The following TDRD12 variants were observed in gnomAD, a reference collection of about 807,000 sequenced individuals.
TDRD12 encodes the protein tudor domain containing 12.
In TDRD12, 158 loss-of-function variants were observed where a neutral mutation model predicts 133.5. The observed-to-expected ratio is 1.18, with a 90% CI of 1.04 to 1.35. The LOEUF (loss-of-function observed/expected upper bound fraction) is 1.35, where lower values mean the gene tolerates loss of function less well. Among genes scored for constraint, TDRD12 ranks in the 40% most tolerant of loss-of-function variants. The pLI, the probability that TDRD12 is intolerant of heterozygous loss-of-function variation, is 0.00. For synonymous variants in TDRD12, 460 were observed against 477.9 expected (o/e 0.96, Z 0.49); for missense variants, 1,443 against 1,321.3 (o/e 1.09, Z -1.43).
chr19:32,796,539 C>G (rs908916487), intron 14 of TDRD12, among the ~76,000 whole-genome samples: 2 of 151,154 alleles, frequency 1.3e-5, no homozygotes, highest in Non-Finnish European at 2.9e-5. Context: ...GAGGCAAGAT[C>G]GCACCATTGC....
intron 8 of TDRD12, among the ~76,000 whole-genome samples, chr19:32,758,880 GCCAAGATTATGTCATTGCACT>G (rs1254144699): frequency 1.3e-5 from 2 of 151,904 alleles, no homozygotes; most frequent in African/African-American, 4.8e-5. Flanking sequence ...GTTGCAGTGA[GCCAAGATTATGTCATTGCACT>G]CCAGCCTGGA....
At chr19:32,811,325 C>T (rs1233294685) in exon 24 of TDRD12, 16 of 1,536,000 alleles carry the variant, frequency 1.0e-5, no homozygotes, top group Admixed American at 5.9e-5. Context: ...GCTGCTGCAT[C>T]TCCCAGAACA....
chr19:32,744,512 A>AC (rs1599847458), intron 4 of TDRD12, among the ~76,000 whole-genome samples: 1 of 150,280 alleles, frequency 6.7e-6, no homozygotes, highest in Non-Finnish European at 1.5e-5. Context: ...AAAAAAAAAA[A>AC]AAAAAAAAAA....
intron 13 of TDRD12, among the ~76,000 whole-genome samples, chr19:32,792,728 A>C (rs1272610094): frequency 6.6e-6 from 1 of 152,226 alleles, no homozygotes; most frequent in Non-Finnish European, 1.5e-5. Flanking sequence ...CCTACCCATC[A>C]CAGGCCCAGC....
intron 27 of TDRD12, among the ~76,000 whole-genome samples, chr19:32,820,705 G>A (rs774618122): frequency 3.3e-5 from 5 of 152,206 alleles, no homozygotes; most frequent in Non-Finnish European, 7.3e-5. Flanking sequence ...CAGAGACTGG[G>A]TCAGGGGAAG....
At chr19:32,777,024 G>A (rs1187691649) in intron 10 of TDRD12, 125 bp from the exon 11 acceptor site, 2 of 633,788 alleles carry the variant, frequency 3.2e-6, no homozygotes, top group East Asian at 3.0e-5. Context: ...GAGTTGCTGG[G>A]ACTATAGGTG....
At chr19:32,725,060 GT>G (rs1250456738) in intron 1 of TDRD12, among the ~76,000 whole-genome samples, 1 of 151,936 alleles carries the variant, frequency 6.6e-6, no homozygotes, top group African/African-American at 2.4e-5. Context: ...TTTTGATGGG[GT>G]TTTTTTCTTG....
At chr19:32,827,221 G>A in exon 10 of TDRD12, 1 of 1,232,048 alleles carries the variant, frequency 8.1e-7, no homozygotes, top group Non-Finnish European at 1.0e-6. Flanking sequence ...GACAGTAGCA[G>A]CACTTCAGAG....
chr19:32,790,584 T>A, exon 12 of TDRD12: 1 of 1,551,954 alleles, frequency 6.4e-7, no homozygotes, highest in Non-Finnish European at 8.7e-7. Context: ...ATCTCTGATC[T>A]CCAGCAGGTA....
intron 10 of TDRD12, 98 bp downstream of exon 10, chr19:32,773,630 C>G (rs955735375): frequency 3.9e-6 from 4 of 1,037,452 alleles, no homozygotes; most frequent in Admixed American, 2.0e-5. Context: ...CCCAGGAGGT[C>G]GAGGCTTCAG....
At chr19:32,742,159 CTT>C (rs10692209) in intron 3 of TDRD12, among the ~76,000 whole-genome samples, 5 of 144,262 alleles carry the variant, frequency 3.5e-5, no homozygotes, top group Admixed American at 6.9e-5. Flanking sequence ...CCTTATTAGA[CTT>C]TTTTTTTTTT....
At chr19:32,813,553 C>A in intron 24 of TDRD12, 131 bp from the exon 25 acceptor site, 1 of 592,452 alleles carries the variant, frequency 1.7e-6, no homozygotes, top group Non-Finnish European at 3.0e-6. Context: ...GGGTGATGAC[C>A]TCTGTGATCT....
At chr19:32,766,318 C>G (rs1301289151) in intron 8 of TDRD12, among the ~76,000 whole-genome samples, 1 of 152,068 alleles carries the variant, frequency 6.6e-6, no homozygotes, top group Non-Finnish European at 1.5e-5. Context: ...GTGAAATAAG[C>G]ACATCATGGA....
downstream of TDRD12, among the ~76,000 whole-genome samples, chr19:32,822,669 C>A (rs1967441847): frequency 6.6e-6 from 1 of 151,066 alleles, no homozygotes; most frequent in African/African-American, 2.4e-5. Context: ...AGGGTGTGAA[C>A]CCTGGAGGCA....
intron 16 of TDRD12, among the ~76,000 whole-genome samples, chr19:32,799,110 C>T (rs960769091): frequency 3.9e-5 from 6 of 152,304 alleles, no homozygotes; most frequent in Middle Eastern, 3.4e-3. Context: ...ATTCATGGGT[C>T]AGAGGCTTTG....
At chr19:32,786,197 T>G (rs1164316709) in intron 11 of TDRD12, among the ~76,000 whole-genome samples, 1 of 152,156 alleles carries the variant, frequency 6.6e-6, no homozygotes, top group Non-Finnish European at 1.5e-5. Flanking sequence ...GAAGCTTAAT[T>G]TGGCTGGATA....
rs1336742352 is a variant in TDRD12, at chr19:32,783,441, A to G, written c.1121+6212A>G. 2.0e-5 allele frequency among the ~76,000 whole-genome samples: 3 copies of G among 152,136 alleles called. No individual in the cohort carries two copies. In the East Asian group the frequency reaches 5.8e-4, roughly 29 times the overall value. Reference sequence around the variant, plus strand: ...CTTCTTCCCCAAGATTGTCTTGGCTATGTGGGCTCATTTTTGGTTCCATAT... The same window carrying G: ...CTTCTTCCCCAAGATTGTCTTGGCTGTGTGGGCTCATTTTTGGTTCCATAT... On this transcript the variant is annotated intron_variant, in intron 11 of 27. Coordinates refer to ENST00000444215, the Ensembl canonical transcript of TDRD12.
intron 1 of TDRD12, among the ~76,000 whole-genome samples, chr19:32,727,745 T>C (rs981566408): frequency 6.6e-6 from 1 of 152,222 alleles, no homozygotes; most frequent in African/African-American, 2.4e-5. Flanking sequence ...TTCGGCTCAC[T>C]GCAACCTCCA....
At chr19:32,800,428 ACAAG>A in intron 17 of TDRD12, 70 bp downstream of exon 17, 2 of 1,199,946 alleles carry the variant, frequency 1.7e-6, no homozygotes, top group Non-Finnish European at 2.2e-6. Flanking sequence ...GCTGATGAAC[ACAAG>A]CAAGTAACTT....
Sources: gnomAD v4.1 joint callset for allele counts (sites outside exome capture counted in the v4.1 genomes callset) on GRCh38, gnomAD v4.1.1 for gene constraint, MANE v1.5 for transcripts, NCBI Gene and HGNC (gene_info 2026-07-23, HGNC 2026-07-21) for gene names.